LRRIQ1: variants seen among roughly 807,000 people sequenced by gnomAD.
The protein encoded by LRRIQ1 is leucine rich repeats and IQ motif containing 1.
A neutral mutation model predicts 211.9 loss-of-function variants in LRRIQ1; 210 were observed. The ratio of observed to expected loss-of-function variants is 0.99; its 90% confidence interval spans 0.89 to 1.11. LRRIQ1 has a LOEUF of 1.11. Ranked by LOEUF, LRRIQ1 falls within the 50% of genes most tolerant of loss-of-function variation. The pLI is 0.00. For missense variants in LRRIQ1, 2,136 were observed against 1,939.5 expected (o/e 1.10, Z -1.90); for synonymous variants, 699 against 650.1 (o/e 1.08, Z -1.14).
chr12:85,097,054 A>T (rs1885940616), intron 11 of LRRIQ1, among the ~76,000 whole-genome samples: 1 of 152,114 alleles, frequency 6.6e-6, no homozygotes, highest in African/African-American at 2.4e-5. Context: ...TGTTTTGTTA[A>T]ATGTGAGGTA....
intron 15 of LRRIQ1, among the ~76,000 whole-genome samples, chr12:85,108,317 C>T (rs1886928150): frequency 3.3e-5 from 5 of 151,962 alleles, no homozygotes; most frequent in Admixed American, 3.3e-4. Flanking sequence ...GTATTTTTTC[C>T]AGATGTCTCA....
chr12:85,060,894 A>G (rs1034908393), intron 8 of LRRIQ1, among the ~76,000 whole-genome samples: 1 of 151,864 alleles, frequency 6.6e-6, no homozygotes, highest in Non-Finnish European at 1.5e-5. Context: ...TTTTATCTAC[A>G]ATGGGCTGTA....
At chr12:85,169,519 T>C (rs933615970) in intron 24 of LRRIQ1, among the ~76,000 whole-genome samples, 10 of 152,180 alleles carry the variant, frequency 6.6e-5, no homozygotes, top group African/African-American at 1.4e-4. Flanking sequence ...TGTCAAGCCC[T>C]CTTTCTGTTC....
intron 11 of LRRIQ1, among the ~76,000 whole-genome samples, chr12:85,090,139 C>T (rs1885232081): frequency 6.6e-6 from 1 of 152,212 alleles, no homozygotes; most frequent in African/African-American, 2.4e-5. Flanking sequence ...GCATCTTCCA[C>T]GTGGTATTAA....
chr12:85,101,992 G>A (rs967013809), intron 13 of LRRIQ1, among the ~76,000 whole-genome samples: 1 of 151,600 alleles, frequency 6.6e-6, no homozygotes, highest in African/African-American at 2.4e-5. Flanking sequence ...GGTTTAATAT[G>A]CCATTACTAT....
At chr12:85,130,364 C>T (rs1888663573) in intron 18 of LRRIQ1, among the ~76,000 whole-genome samples, 1 of 152,148 alleles carries the variant, frequency 6.6e-6, no homozygotes, top group African/African-American at 2.4e-5. Context: ...ATGTAGACAC[C>T]ATGCATCCAA....
At chr12:85,188,580 A>C (rs1892341416) in intron 24 of LRRIQ1, among the ~76,000 whole-genome samples, 1 of 152,158 alleles carries the variant, frequency 6.6e-6, no homozygotes, top group Admixed American at 6.6e-5. Context: ...CATATGTGTG[A>C]CTGAAGCAGT....
intron 24 of LRRIQ1, among the ~76,000 whole-genome samples, chr12:85,197,515 C>T (rs868337435): frequency 1.3e-5 from 2 of 150,096 alleles, no homozygotes; most frequent in African/African-American, 4.9e-5. Context: ...ATGATGAGTT[C>T]ATGTCATTTG....
chr12:85,260,674 A>G (rs1342832681), intron 1 of LRRIQ1, among the ~76,000 whole-genome samples: 1 of 152,178 alleles, frequency 6.6e-6, no homozygotes, highest in East Asian at 1.9e-4. Flanking sequence ...ATAAATAAAT[A>G]TTCGGTATCC....
chr12:85,174,872 C>T (rs1891613190), intron 24 of LRRIQ1, among the ~76,000 whole-genome samples: 2 of 151,808 alleles, frequency 1.3e-5, no homozygotes, highest in Non-Finnish European at 2.9e-5. Context: ...TGAAAATAAA[C>T]CAATCTTTTT....
intron 13 of LRRIQ1, among the ~76,000 whole-genome samples, chr12:85,101,369 G>A (rs1886331354): frequency 6.6e-6 from 1 of 151,762 alleles, no homozygotes; most frequent in South Asian, 2.1e-4. Flanking sequence ...AGTTCTAACT[G>A]GATGACTCTC....
chr12:85,099,456 G>A (rs182100471), intron 13 of LRRIQ1, among the ~76,000 whole-genome samples: 2 of 151,846 alleles, frequency 1.3e-5, no homozygotes, highest in African/African-American at 4.8e-5. Context: ...TTTTCCCTAA[G>A]GATATAAAGT....
chr12:85,055,528 G>A lies in LRRIQ1; in HGVS notation c.754-19G>A, dbSNP rs747118992. The stretch of plus-strand genomic sequence containing the variant: ...ATGTTTAGTTTATGCTGACTACCAT[G>A]TATCTTACTTTGTTTTAGGAGTATA... On this transcript the variant is annotated intron_variant, in intron 7 of 26. Transcript: ENST00000393217. 2 of 1,453,204 alleles carry A rather than the reference G, an allele frequency of 1.4e-6. No homozygotes were observed. Among genetic ancestry groups the A allele is most frequent in the Non-Finnish European group, 1.8e-6 (2 of 1,100,948 alleles). 90.0% of individuals were successfully genotyped at this position (1,453,204 alleles called of 1,614,324 possible). A position where few individuals can be genotyped will look rare whatever the true frequency, so the allele number is the denominator to read the frequency against.
intron 18 of LRRIQ1, among the ~76,000 whole-genome samples, chr12:85,130,241 G>T (rs1371696823): frequency 6.6e-6 from 1 of 152,066 alleles, no homozygotes; most frequent in Non-Finnish European, 1.5e-5. Flanking sequence ...ACCTGTTTTT[G>T]TTACCTGATA....
At chr12:85,091,269 A>G (rs1351637090) in intron 11 of LRRIQ1, among the ~76,000 whole-genome samples, 2 of 152,148 alleles carry the variant, frequency 1.3e-5, no homozygotes, top group Non-Finnish European at 2.9e-5. Context: ...TATTTATAGC[A>G]ATGCAAGAAT....
At chr12:85,198,398 A>G (rs924513335) in intron 24 of LRRIQ1, among the ~76,000 whole-genome samples, 1 of 151,582 alleles carries the variant, frequency 6.6e-6, no homozygotes, top group East Asian at 1.9e-4. Context: ...ACTTTCCACA[A>G]TGGCTGAACA....
chr12:85,205,336 T>C (rs1390040299), intron 24 of LRRIQ1, among the ~76,000 whole-genome samples: 1 of 152,178 alleles, frequency 6.6e-6, no homozygotes, highest in Non-Finnish European at 1.5e-5. Flanking sequence ...CTGAAAAATA[T>C]TTTATTTCTT....
intron 19 of LRRIQ1, among the ~76,000 whole-genome samples, chr12:85,145,045 G>C (rs1415040764): frequency 6.6e-6 from 1 of 150,984 alleles, no homozygotes; most frequent in Non-Finnish European, 1.5e-5. Flanking sequence ...GAAAAAAATA[G>C]TTGCCTTTAG....
chr12:85,055,770 CA>C lies in LRRIQ1; in HGVS notation c.982del (p.Ile328TyrfsTer12). 1 of 1,592,602 alleles carries C rather than the reference CA, an allele frequency of 6.3e-7. No homozygotes were observed. The highest frequency in any genetic ancestry group is 1.7e-5 in the Admixed American group (1 of 57,878). The part of the protein sequence containing the change: ...RKAQEWKEKE[A>X]KIRQKEEENR... ...GCACAAGAGTGGAAGGAAAAGGAAG[CA>C]AAAATACGACAAAAGGAGGAAGAAA... is the stretch of plus-strand genomic sequence containing the variant. On this transcript the variant is annotated frameshift_variant, in exon 8 of 27. Transcript: ENST00000393217. LOFTEE classifies it high-confidence loss of function.
Sources: allele counts gnomAD v4.1 joint callset (sites outside exome capture counted in the v4.1 genomes callset), GRCh38; gene constraint gnomAD v4.1.1; transcripts MANE v1.5; gene names NCBI Gene and HGNC (gene_info 2026-07-23, HGNC 2026-07-21).